CCDC178: variants seen among roughly 807,000 people sequenced by gnomAD.
The protein encoded by CCDC178 is coiled-coil domain containing 178.
Under a neutral mutation model 117.4 loss-of-function variants are expected in CCDC178, and 126 were observed. That is an observed-to-expected ratio of 1.07 (90% CI 0.93 to 1.24). The LOEUF (loss-of-function observed/expected upper bound fraction) is 1.24, where lower values mean the gene tolerates loss of function less well. Among genes scored for constraint, CCDC178 ranks in the 50% most tolerant of loss-of-function variants. The pLI is 0.00. For missense variants in CCDC178, 1,030 were observed against 986.9 expected (o/e 1.04, Z -0.59); for synonymous variants, 283 against 313.4 (o/e 0.90, Z 1.02).
At chr18:32,966,289 T>G (rs1223550306) in intron 22 of CCDC178, among the ~76,000 whole-genome samples, 1 of 151,834 alleles carries the variant, frequency 6.6e-6, no homozygotes, top group Non-Finnish European at 1.5e-5. Context: ...TTTGTTCCAG[T>G]GAGCAGCTTC....
chr18:32,955,530 G>C lies in CCDC178; in HGVS notation c.2524-17439C>G, dbSNP rs187539784. ...CTAGAATTTTTTCTTAGCAGGAACT[G>C]AATCTGGTTCATCTTTATATCTGTC... On this transcript the variant is annotated intron_variant, in intron 22 of 22. Transcript: ENST00000383096. 2.0e-3 allele frequency among the ~76,000 whole-genome samples: 300 copies of C among 152,192 alleles called. 1 individual carries two copies. Among genetic ancestry groups the C allele is most frequent in the Non-Finnish European group, 3.3e-3 (221 of 67,992 alleles).
chr18:32,969,282 A>G (rs1425067758), intron 22 of CCDC178, among the ~76,000 whole-genome samples: 1 of 151,966 alleles, frequency 6.6e-6, no homozygotes, highest in Non-Finnish European at 1.5e-5. Flanking sequence ...GGAACCTACT[A>G]GGGGGAGCAC....
intron 20 of CCDC178, among the ~76,000 whole-genome samples, chr18:33,183,631 G>A (rs1317336367): frequency 2.0e-5 from 3 of 151,992 alleles, no homozygotes; most frequent in Non-Finnish European, 2.9e-5. Context: ...TGGTCACTGA[G>A]GGGATCCAAT....
chr18:33,117,702 C>T (rs2057877856), intron 20 of CCDC178, among the ~76,000 whole-genome samples: 1 of 151,348 alleles, frequency 6.6e-6, no homozygotes, highest in Non-Finnish European at 1.5e-5. Context: ...GCACATATAC[C>T]CTAAAACTTA....
intron 20 of CCDC178, among the ~76,000 whole-genome samples, chr18:33,190,224 ACT>A (rs1333252302): frequency 6.6e-6 from 1 of 152,074 alleles, no homozygotes; most frequent in Non-Finnish European, 1.5e-5. Flanking sequence ...CTAATTAGTG[ACT>A]CTCTAATCCT....
intron 21 of CCDC178, among the ~76,000 whole-genome samples, chr18:32,979,392 C>T (rs2055098430): frequency 6.6e-6 from 1 of 152,090 alleles, no homozygotes; most frequent in South Asian, 2.1e-4. Flanking sequence ...CTCCTAACCT[C>T]AGGTGATCTG....
At chr18:32,955,130 T>C (rs931981654) in intron 22 of CCDC178, among the ~76,000 whole-genome samples, 3 of 152,124 alleles carry the variant, frequency 2.0e-5, no homozygotes, top group African/African-American at 7.2e-5. Flanking sequence ...TTTCCACATA[T>C]CAGTCTAAGC....
At chr18:32,948,244 G>A (rs1598718369) in intron 22 of CCDC178, among the ~76,000 whole-genome samples, 1 of 152,100 alleles carries the variant, frequency 6.6e-6, no homozygotes, top group African/African-American at 2.4e-5. Context: ...AAAGCGTCTT[G>A]GAATTTCGAT....
At position 33,389,540 on chromosome 18, in the gene CCDC178, C is replaced by G. The variant is rs766878727; in HGVS notation, c.208G>C (p.Gly70Arg). The G allele has an allele frequency of 8.8e-6, 13 of 1,469,178 alleles. No homozygotes were observed. The highest frequency in any genetic ancestry group is 1.2e-5 in the Non-Finnish European group (13 of 1,094,684). The allele number at this position is 1,469,178 out of a possible 1,614,324, so 91.0% of individuals were successfully genotyped here. A position where few individuals can be genotyped will look rare whatever the true frequency, so the allele number is the denominator to read the frequency against. Residue 70 changes from glycine to arginine, a missense_variant and splice_region_variant, in exon 5 of 23, where the codon GGG becomes CGG. Gly to Arg is a moderately radical substitution (Grantham distance 125). Transcript: ENST00000383096. Reference sequence around the variant, plus strand: ...TATATGATTTACATTCAGTCCTCACCTTCAGTATTTGTCATTTTACTTTCA... The same window carrying G: ...TATATGATTTACATTCAGTCCTCACGTTCAGTATTTGTCATTTTACTTTCA... ...FHESKMTNTE[G>R]VNKGIYFSYP...
intron 20 of CCDC178, among the ~76,000 whole-genome samples, chr18:33,203,890 A>G (rs1040363584): frequency 6.6e-6 from 1 of 152,168 alleles, no homozygotes; most frequent in African/African-American, 2.4e-5. Context: ...TGTCTATAAG[A>G]CTAACTATGA....
rs143804627 is a variant in CCDC178 at position 33,318,520 on chromosome 18, C to T, written c.1022+4971G>A. Among the ~76,000 whole-genome samples, 380 of 152,084 alleles carry T rather than the reference C, an allele frequency of 2.5e-3. 2 individuals are homozygous for T. Among genetic ancestry groups the T allele is most frequent in the Non-Finnish European group, 4.6e-3 (311 of 67,988 alleles). Reference sequence around the variant, plus strand: ...CTTGAAAACAGAAAATGTGAGAAAACGATCAAGAAGTATGGAGTACACAAT... The same window carrying T: ...CTTGAAAACAGAAAATGTGAGAAAATGATCAAGAAGTATGGAGTACACAAT... On this transcript the variant is annotated intron_variant, in intron 11 of 22. Coordinates refer to ENST00000383096, the MANE Select transcript of CCDC178 (RefSeq NM_001105528.4).
intron 11 of CCDC178, among the ~76,000 whole-genome samples, chr18:33,306,495 A>ATATATATGGTTATATATAATATATGGT (rs1568132098): frequency 1.9e-4 from 26 of 140,460 alleles, no homozygotes; most frequent in Admixed American, 5.7e-4. Flanking sequence ...ATATGGTTAT[A>ATATATATGGTTATATATAATATATGGT]TATATATGGT....
At chr18:33,314,643 T>G (rs962305541) in intron 11 of CCDC178, among the ~76,000 whole-genome samples, 6 of 152,142 alleles carry the variant, frequency 3.9e-5, no homozygotes, top group Non-Finnish European at 8.8e-5. Context: ...CTATAGAAAC[T>G]GAAAATTACC....
At chr18:33,361,711 A>G (rs929326970) in intron 6 of CCDC178, among the ~76,000 whole-genome samples, 2 of 151,910 alleles carry the variant, frequency 1.3e-5, no homozygotes, top group Non-Finnish European at 2.9e-5. Flanking sequence ...GGTGCTCAAC[A>G]TCACTAATCA....
intron 20 of CCDC178, among the ~76,000 whole-genome samples, chr18:33,100,590 C>T (rs191656675): frequency 5.3e-4 from 80 of 152,082 alleles, no homozygotes; most frequent in Non-Finnish European, 1.0e-3. Flanking sequence ...AAGGAAGCAT[C>T]AGTTTGTCAA....
At chr18:33,061,699 A>G (rs1054098946) in intron 21 of CCDC178, among the ~76,000 whole-genome samples, 14 of 152,196 alleles carry the variant, frequency 9.2e-5, no homozygotes, top group Non-Finnish European at 2.1e-4. Context: ...CTTAAGGCAA[A>G]TTCATAGATG....
chr18:33,056,845 G>T (rs921043731), intron 21 of CCDC178, among the ~76,000 whole-genome samples: 1 of 151,924 alleles, frequency 6.6e-6, no homozygotes, highest in East Asian at 1.9e-4. Flanking sequence ...ACCATTATGT[G>T]CAGGATGAGC....
chr18:33,396,038 T>G (rs2063630764), intron 4 of CCDC178, among the ~76,000 whole-genome samples: 1 of 152,022 alleles, frequency 6.6e-6, no homozygotes, highest in Non-Finnish European at 1.5e-5. Flanking sequence ...TAAAAAAAAT[T>G]AGTTAACATA....
At chr18:33,416,909 T>C (rs1490737955) in intron 2 of CCDC178, among the ~76,000 whole-genome samples, 1 of 138,368 alleles carries the variant, frequency 7.2e-6, no homozygotes, top group Non-Finnish European at 1.5e-5. Flanking sequence ...ATGAGATATC[T>C]ATCTATGAAA....
Sources: gnomAD v4.1 joint callset for allele counts (sites outside exome capture counted in the v4.1 genomes callset) on GRCh38, gnomAD v4.1.1 for gene constraint, MANE v1.5 for transcripts, NCBI Gene and HGNC (gene_info 2026-07-23, HGNC 2026-07-21) for gene names.